Variants in MTHFD2L observed in about 807,000 individuals in gnomAD.
MTHFD2L encodes methylenetetrahydrofolate dehydrogenase (NADP+ dependent) 2 like.
MTHFD2L carries 29 observed loss-of-function variants against 34.9 expected under a neutral mutation model. That is an observed-to-expected ratio of 0.83 (90% CI 0.62 to 1.13). The LOEUF (loss-of-function observed/expected upper bound fraction) is 1.13, where lower values mean the gene tolerates loss of function less well. Ranked by LOEUF, MTHFD2L falls within the 50% of genes most tolerant of loss-of-function variation. MTHFD2L has a pLI of 0.00. For synonymous variants in MTHFD2L, 167 were observed against 155.7 expected (o/e 1.07, Z -0.54); for missense variants, 481 against 446.5 (o/e 1.08, Z -0.70).
intron 6 of MTHFD2L, among the ~76,000 whole-genome samples, chr4:74,266,287 A>T (rs1013637618): frequency 5.3e-5 from 8 of 152,146 alleles, no homozygotes; most frequent in African/African-American, 1.9e-4. Context: ...GCTAGTCATC[A>T]TCTGATTTGG....
chr4:74,218,706 A>T (rs940239685), intron 5 of MTHFD2L, among the ~76,000 whole-genome samples: 2 of 151,442 alleles, frequency 1.3e-5, no homozygotes, highest in Non-Finnish European at 2.9e-5. Context: ...AGCAAATATT[A>T]TTTGCTTCAA....
At chr4:74,172,363 T>C (rs926774887) in intron 1 of MTHFD2L, among the ~76,000 whole-genome samples, 32 of 152,322 alleles carry the variant, frequency 2.1e-4, no homozygotes, top group Non-Finnish European at 4.4e-5. Flanking sequence ...AATAAATCTT[T>C]TACAGAAATA....
intron 6 of MTHFD2L, among the ~76,000 whole-genome samples, chr4:74,255,122 CGA>C (rs1265006308): frequency 6.1e-5 from 6 of 97,962 alleles, no homozygotes; most frequent in African/African-American, 2.5e-4. Flanking sequence ...GCAAAAAGAG[CGA>C]GACTCCATCT....
chr4:74,259,215 G>A (rs1744391506), intron 6 of MTHFD2L, among the ~76,000 whole-genome samples: 1 of 152,128 alleles, frequency 6.6e-6, no homozygotes, highest in Admixed American at 6.6e-5. Flanking sequence ...ATCTCCCCAA[G>A]CCTATATTAC....
intron 1 of MTHFD2L, chr4:74,165,005 T>C: frequency 1.0e-6 from 1 of 985,368 alleles, no homozygotes; most frequent in Non-Finnish European, 1.2e-6. Flanking sequence ...GTCAAATGGA[T>C]TTTATTTTTG....
chr4:74,283,944 A>G (rs931237062), intron 7 of MTHFD2L, among the ~76,000 whole-genome samples: 3 of 152,194 alleles, frequency 2.0e-5, no homozygotes, highest in African/African-American at 7.2e-5. Flanking sequence ...AAGATGGGTT[A>G]TGCCACAAAA....
At chr4:74,126,826 A>G (rs1722112046) in intron 1 of MTHFD2L, among the ~76,000 whole-genome samples, 1 of 152,014 alleles carries the variant, frequency 6.6e-6, no homozygotes, top group Non-Finnish European at 1.5e-5. Flanking sequence ...GATACTTGTG[A>G]TAATCTGATA....
At chr4:74,122,842 C>G (rs192831832), upstream of MTHFD2L, among the ~76,000 whole-genome samples, 1 of 152,268 alleles carries the variant, frequency 6.6e-6, no homozygotes, top group African/African-American at 2.4e-5. Flanking sequence ...ATTAGCATTA[C>G]ATCACCATTA....
chr4:74,181,933 G>T (rs1730252894), intron 3 of MTHFD2L: 2 of 151,722 alleles, frequency 1.3e-5, no homozygotes, highest in South Asian at 4.2e-4. Flanking sequence ...CTTCATTTGG[G>T]GAAAAAAAGT....
intron 1 of MTHFD2L, among the ~76,000 whole-genome samples, chr4:74,159,663 A>T (rs1308981288): frequency 6.6e-6 from 1 of 152,168 alleles, no homozygotes; most frequent in African/African-American, 2.4e-5. Flanking sequence ...CTTGCTTTGT[A>T]CACACACACC....
At chr4:74,144,844 T>C (rs920277984) in intron 1 of MTHFD2L, among the ~76,000 whole-genome samples, 2 of 152,178 alleles carry the variant, frequency 1.3e-5, no homozygotes, top group Non-Finnish European at 2.9e-5. Context: ...AGCAGATCAA[T>C]ACCTATATAG....
At chr4:74,200,060 A>C in intron 4 of MTHFD2L, 114 bp downstream of exon 4, 1 of 903,054 alleles carries the variant, frequency 1.1e-6, no homozygotes, top group Admixed American at 2.6e-5. Flanking sequence ...ATCATAATCC[A>C]TAAAACGTCA....
chr4:74,165,128 G>A, intron 1 of MTHFD2L: 1 of 253,492 alleles, frequency 3.9e-6, no homozygotes, highest in Non-Finnish European at 6.2e-6. Context: ...ATATCTATTG[G>A]CTTACAAATA....
intron 5 of MTHFD2L, among the ~76,000 whole-genome samples, chr4:74,223,757 CTTTTG>C (rs1269699671): frequency 6.6e-6 from 1 of 151,294 alleles, no homozygotes; most frequent in African/African-American, 2.4e-5. Flanking sequence ...TTTGTTTTGC[CTTTTG>C]TTTTGGTTCT....
At chr4:74,153,947 G>A (rs1724095144), upstream of MTHFD2L, among the ~76,000 whole-genome samples, 1 of 151,984 alleles carries the variant, frequency 6.6e-6, no homozygotes. Context: ...TCGTTTTTCT[G>A]TAATGCTGTT....
intron 7 of MTHFD2L, among the ~76,000 whole-genome samples, chr4:74,286,088 G>A (rs1748129711): frequency 6.6e-6 from 1 of 152,082 alleles, no homozygotes; most frequent in African/African-American, 2.4e-5. Context: ...AAATTGAAGT[G>A]CTATTTTGTT....
At chr4:74,185,363 TC>T (rs1206475399) in intron 3 of MTHFD2L, among the ~76,000 whole-genome samples, 1 of 151,846 alleles carries the variant, frequency 6.6e-6, no homozygotes, top group Non-Finnish European at 1.5e-5. Context: ...TAAACACATA[TC>T]TTAGAAAAGA....
chr4:74,126,558 GGT>G (rs139517190), intron 1 of MTHFD2L, among the ~76,000 whole-genome samples: 5 of 150,436 alleles, frequency 3.3e-5, no homozygotes, highest in African/African-American at 7.3e-5. Context: ...CTTTTTCTCT[GGT>G]GTGTGTGTGT....
At chr4:74,204,826 G>A (rs189530311) in intron 5 of MTHFD2L, among the ~76,000 whole-genome samples, 2 of 152,152 alleles carry the variant, frequency 1.3e-5, no homozygotes, top group East Asian at 1.9e-4. Context: ...TACATATGCA[G>A]TAAAAGCAGT....
Sources: allele counts gnomAD v4.1 joint callset (sites outside exome capture counted in the v4.1 genomes callset), GRCh38; gene constraint gnomAD v4.1.1; transcripts MANE v1.5; gene names NCBI Gene and HGNC (gene_info 2026-07-23, HGNC 2026-07-21).